The following ZNF827 variants were observed in gnomAD, a reference collection of about 807,000 sequenced individuals.
The protein encoded by ZNF827 is zinc finger protein 827.
Under a neutral mutation model 102.4 loss-of-function variants are expected in ZNF827, and 13 were observed. That is an observed-to-expected ratio of 0.13 (90% CI 0.08 to 0.20). The LOEUF (loss-of-function observed/expected upper bound fraction) is 0.20, where lower values mean the gene tolerates loss of function less well. ZNF827 is among the 10% of genes least tolerant of loss of function. The pLI is 1.00. For missense variants in ZNF827, 1,103 were observed against 1,344.4 expected, an observed-to-expected ratio of 0.82 and a Z score of 2.81; for synonymous variants, 523 against 536.2, an observed-to-expected ratio of 0.98 and a Z score of 0.34.
At chr4:145,764,403 C>A (rs1002033826) in intron 13 of ZNF827, among the ~76,000 whole-genome samples, 6 of 152,122 alleles carry the variant, frequency 3.9e-5, no homozygotes, top group Admixed American at 3.9e-4. Context: ...CACTTGAGAC[C>A]AAAGGGCCTC....
intron 8 of ZNF827, among the ~76,000 whole-genome samples, chr4:145,786,359 GGCGACAGCTGTAA>G (rs1404015284): frequency 6.6e-6 from 1 of 152,124 alleles, no homozygotes; most frequent in Non-Finnish European, 1.5e-5. Context: ...GGCTTTATTT[GGCGACAGCTGTAA>G]GCAAAAGATT....
intron 1 of ZNF827, 78 bp downstream of exon 1, chr4:145,938,287 G>A (rs1314761154): frequency 1.3e-5 from 20 of 1,551,502 alleles, no homozygotes; most frequent in Non-Finnish European, 1.6e-5. Context: ...AGAAAACAAC[G>A]GAGGAGGCTG....
In ZNF827 at chr4:145,765,185, G is replaced by C. The variant is rs1215280685; in HGVS notation, c.3053-20C>G. 1.3e-6 allele frequency: 2 copies of C among 1,583,766 alleles called. No individual in the cohort carries two copies. The highest frequency in any genetic ancestry group is 1.7e-6 in the Non-Finnish European group (2 of 1,163,640). On this transcript the variant is annotated intron_variant, in intron 12 of 14. Coordinates refer to ENST00000508784, the MANE Select transcript of ZNF827 (RefSeq NM_001306215.2). The surrounding 1 kb of genome is among the most constrained non-coding windows in gnomAD (Gnocchi z 4.7). ...CGAACCCTGCAAGGACCGAAGCTGG[G>C]TATAGAGGTGCACAGGGCAGCGGGG... is the stretch of plus-strand genomic sequence containing the variant.
intron 8 of ZNF827, among the ~76,000 whole-genome samples, chr4:145,789,983 GA>G (rs1169260651): frequency 6.6e-6 from 1 of 152,132 alleles, no homozygotes; most frequent in Non-Finnish European, 1.5e-5. Context: ...TGCTGCATAT[GA>G]AAAATCTGAG....
At position 145,849,408 on chromosome 4, in the gene ZNF827, G is replaced by A; in HGVS notation, c.2135C>T (p.Pro712Leu). ...REKTEPLQKMPEGRVPPERNL... is the reference protein window; with the variant it reads ...REKTEPLQKMLEGRVPPERNL... ...TCTCTCTGGGGGTACTCTGCCCTCTGGCATCTTCTGTAAGGGTTCGGTTTT... is the reference window on the plus strand; with the variant it reads ...TCTCTCTGGGGGTACTCTGCCCTCTAGCATCTTCTGTAAGGGTTCGGTTTT... Residue 712 changes from proline (P) to leucine (L), a missense_variant, in exon 6 of 15, where the codon CCA becomes CTA. Around this residue, in one of 5 missense-constraint regions of ZNF827, gnomAD observed 243 missense variants for 251.6 expected, o/e 0.97. Coordinates refer to ENST00000508784, the MANE Select transcript of ZNF827 (RefSeq NM_001306215.2). 3 of 1,614,150 alleles carry A rather than the reference G, an allele frequency of 1.9e-6. 1 individual carries two copies. The highest frequency in any genetic ancestry group is 4.5e-5 in the East Asian group (2 of 44,882).
intron 4 of ZNF827, among the ~76,000 whole-genome samples, chr4:145,885,383 A>C (rs182176176): frequency 6.6e-6 from 1 of 152,204 alleles, no homozygotes; most frequent in Admixed American, 6.5e-5. Context: ...CCATGTGACC[A>C]TTCCCCCCTA....
chr4:145,812,900 A>G (rs2126410943), intron 8 of ZNF827, among the ~76,000 whole-genome samples: 1 of 152,296 alleles, frequency 6.6e-6, no homozygotes, highest in Middle Eastern at 3.4e-3. Flanking sequence ...TTGCTTTCTA[A>G]GATTTCCATT....
At position 145,761,406 on chromosome 4, in the gene ZNF827, C is replaced by G; in HGVS notation, c.*210G>C. ...CGTGCTCGATGAGCTTGTTGGCGGTCTTGGACAGGTAGCCGCACTGGTCGC... is the reference window on the plus strand; with the variant it reads ...CGTGCTCGATGAGCTTGTTGGCGGTGTTGGACAGGTAGCCGCACTGGTCGC... On this transcript the variant is annotated 3_prime_UTR_variant, in exon 15 of 15. Transcript: ENST00000508784. This position sits in a 1 kb window ranked among gnomAD's most constrained non-coding sequence, Gnocchi z 6.8. The G allele has an allele frequency of 1.6e-6, 2 of 1,289,888 alleles. No homozygotes were observed. The highest frequency in any genetic ancestry group is 2.0e-6 in the Non-Finnish European group (2 of 988,876). 79.9% of individuals were successfully genotyped at this position (1,289,888 alleles called of 1,614,324 possible).
intron 2 of ZNF827, among the ~76,000 whole-genome samples, chr4:145,894,503 G>A (rs1429443356): frequency 6.6e-6 from 1 of 152,158 alleles, no homozygotes; most frequent in Admixed American, 6.5e-5. Context: ...GGTCAACTGA[G>A]TCTCTACATA....
intron 6 of ZNF827, among the ~76,000 whole-genome samples, chr4:145,847,682 A>G (rs1746121692): frequency 6.6e-6 from 1 of 152,198 alleles, no homozygotes; most frequent in Non-Finnish European, 1.5e-5. Flanking sequence ...AGGACCCTAC[A>G]CTGACGGTCA....
At chr4:145,888,963 AAGTACTATAATACAAATGCAG>A (rs1177473053) in intron 3 of ZNF827, among the ~76,000 whole-genome samples, 1 of 152,238 alleles carries the variant, frequency 6.6e-6, no homozygotes, top group Non-Finnish European at 1.5e-5. Flanking sequence ...AGGATAGAGT[AAGTACTATAATACAAATGCAG>A]TAAGTACTAT....
chr4:145,761,715 GC>G lies in ZNF827; in HGVS notation c.*18-118del. 2 of 519,964 alleles carry G rather than the reference GC, an allele frequency of 3.8e-6. No homozygotes were observed. The highest frequency in any genetic ancestry group is 6.1e-6 in the Non-Finnish European group (2 of 329,926). 32.2% of individuals were successfully genotyped at this position (519,964 alleles called of 1,614,324 possible). A position where few individuals can be genotyped will look rare whatever the true frequency, so the allele number is the denominator to read the frequency against. On this transcript the variant is annotated intron_variant, in intron 14 of 14. Transcript: ENST00000508784. The surrounding 1 kb of genome is among the most constrained non-coding windows in gnomAD (Gnocchi z 6.8). Reference sequence around the variant, plus strand: ...CCCCCCAGTGTCTGAGGCCTGGCCTGCCCAGCCCAGCCCAGCCCTGCCGCCT... The same window carrying G: ...CCCCCCAGTGTCTGAGGCCTGGCCTGCCAGCCCAGCCCAGCCCTGCCGCCT...
At chr4:145,817,892 A>C (rs569523841) in intron 8 of ZNF827, among the ~76,000 whole-genome samples, 62 of 152,294 alleles carry the variant, frequency 4.1e-4, no homozygotes, top group African/African-American at 1.5e-3. Context: ...GAGTTTTAAC[A>C]CAGCTTCATA....
chr4:145,829,607 A>G (rs1266876596), intron 7 of ZNF827, among the ~76,000 whole-genome samples: 2 of 152,248 alleles, frequency 1.3e-5, no homozygotes, highest in Non-Finnish European at 2.9e-5. Flanking sequence ...TGACTTAGAT[A>G]TATGTCTGAG....
At chr4:145,938,007 C>G (rs1182777562) in intron 1 of ZNF827, among the ~76,000 whole-genome samples, 1 of 150,584 alleles carries the variant, frequency 6.6e-6, no homozygotes, top group South Asian at 2.1e-4. Flanking sequence ...GATAAAACCC[C>G]CGGCATCCAC....
intron 7 of ZNF827, chr4:145,831,763 G>A (rs991059768): frequency 3.3e-5 from 5 of 152,210 alleles, no homozygotes; most frequent in African/African-American, 1.2e-4. Flanking sequence ...TCTGGGATGT[G>A]ACTTAAAATG....
intron 8 of ZNF827, among the ~76,000 whole-genome samples, chr4:145,796,047 C>G (rs1740345865): frequency 6.6e-6 from 1 of 152,190 alleles, no homozygotes; most frequent in Non-Finnish European, 1.5e-5. Flanking sequence ...TCCACTGAAC[C>G]ATTCTTTCAG....
chr4:145,788,454 T>A (rs180874387), intron 8 of ZNF827, among the ~76,000 whole-genome samples: 1 of 152,310 alleles, frequency 6.6e-6, no homozygotes, highest in African/African-American at 2.4e-5. Context: ...ATAACAATAA[T>A]CATTTTAAGA....
rs933378397 is a variant in ZNF827, at chr4:145,901,893, G to GA, written c.1093+272dup. The stretch of plus-strand genomic sequence containing the variant: ...TATGGACCTAGCCTGAACTTAGTAA[G>GA]AAAAAAAAATCATTTGTATGAAAGG... On this transcript the variant is annotated intron_variant, in intron 2 of 14. Transcript: ENST00000508784. 4.6e-5 allele frequency among the ~76,000 whole-genome samples: 7 copies of GA among 150,778 alleles called. No individual in the cohort carries two copies. In the South Asian group the frequency reaches 6.3e-4, roughly 14 times the overall value.
Sources: allele counts gnomAD v4.1 joint callset (sites outside exome capture counted in the v4.1 genomes callset), GRCh38; gene constraint gnomAD v4.1.1; regional missense constraint gnomAD v4.1.1; non-coding constraint Gnocchi (gnomAD v3.1); transcripts MANE v1.5; gene names NCBI Gene and HGNC (gene_info 2026-07-23, HGNC 2026-07-21).